The following ROR1 variants were observed in gnomAD, a reference collection of about 807,000 sequenced individuals.
ROR1 encodes ROR family WNT receptor 1.
A neutral mutation model predicts 78.8 loss-of-function variants in ROR1; 19 were observed. That is an observed-to-expected ratio of 0.24 (90% CI 0.17 to 0.35). The LOEUF (loss-of-function observed/expected upper bound fraction) is 0.35. ROR1 is among the 10% of genes least tolerant of loss of function. The pLI is 1.00. For synonymous variants in ROR1, 386 were observed against 433.6 expected (o/e 0.89, Z 1.36); for missense variants, 917 against 1,177.8 (o/e 0.78, Z 3.24).
At position 64,177,552 on chromosome 1, in the gene ROR1, C is replaced by T. The variant is rs763251340; in HGVS notation, c.1511C>T (p.Ala504Val). The change falls in exon 9 of 9, where the codon GCT (alanine) becomes GTT (valine). Residue 504 changes from alanine (A) to valine (V), a missense_variant. Physicochemically the swap from Ala to Val is moderately conservative, Grantham distance 64. This residue lies in a region of ROR1 where 835 missense variants were observed against 1,069.8 expected (regional missense o/e 0.78). Coordinates refer to ENST00000371079, the MANE Select transcript of ROR1 (RefSeq NM_005012.4). ...GGCATGGACCATGCTCAGCTGGTTG[C>T]TATCAAGACCTTGAAAGACTATAAC... Reference protein sequence around the residue: ...LPGMDHAQLVAIKTLKDYNNP... With the variant: ...LPGMDHAQLVVIKTLKDYNNP... 3 of 1,614,120 alleles carry T rather than the reference C, an allele frequency of 1.9e-6. No homozygotes were observed. The highest frequency in any genetic ancestry group is 1.3e-5 in the African/African-American group (1 of 75,026).
intron 2 of ROR1, among the ~76,000 whole-genome samples, chr1:64,018,282 C>A (rs911605430): frequency 6.6e-6 from 1 of 152,150 alleles, no homozygotes; most frequent in Non-Finnish European, 1.5e-5. Context: ...TGGGGCTCCT[C>A]CCTCAGTTTC....
intron 2 of ROR1, among the ~76,000 whole-genome samples, chr1:64,048,456 CT>C (rs1192346407): frequency 2.0e-5 from 3 of 152,126 alleles, no homozygotes; most frequent in Non-Finnish European, 4.4e-5. Flanking sequence ...GCTGATAGCT[CT>C]GCTGAACAAG....
At chr1:63,867,871 G>A (rs374502388) in intron 1 of ROR1, among the ~76,000 whole-genome samples, 8 of 152,314 alleles carry the variant, frequency 5.3e-5, no homozygotes, top group South Asian at 2.1e-4. Context: ...CTCTTTTCCC[G>A]ATTCCGGCTG....
intron 1 of ROR1, among the ~76,000 whole-genome samples, chr1:63,822,358 T>A (rs1274439632): frequency 6.6e-6 from 1 of 152,246 alleles, no homozygotes; most frequent in Non-Finnish European, 1.5e-5. Flanking sequence ...AATTATTAAT[T>A]AATGAATGAT....
intron 4 of ROR1, among the ~76,000 whole-genome samples, chr1:64,112,777 C>T (rs572466793): frequency 6.6e-6 from 1 of 150,642 alleles, no homozygotes; most frequent in Non-Finnish European, 1.5e-5. Context: ...CCAGTGTGCT[C>T]ATCAATTCTT....
chr1:64,135,733 C>T (rs1436319258), intron 4 of ROR1, among the ~76,000 whole-genome samples: 1 of 152,146 alleles, frequency 6.6e-6, no homozygotes, highest in Non-Finnish European at 1.5e-5. Flanking sequence ...GATTGTGCAA[C>T]AGTAAAATTT....
chr1:63,967,275 ACAT>A (rs1437266621), intron 1 of ROR1, among the ~76,000 whole-genome samples: 1 of 152,194 alleles, frequency 6.6e-6, no homozygotes, highest in Admixed American at 6.5e-5. Context: ...TGGAGAAATG[ACAT>A]CATGAGAACC....
chr1:63,843,892 T>C (rs1569805426), intron 1 of ROR1, among the ~76,000 whole-genome samples: 1 of 152,314 alleles, frequency 6.6e-6, no homozygotes, highest in East Asian at 1.9e-4. Context: ...CACACCTTGC[T>C]GAAGTAGCCT....
chr1:64,005,166 G>A (rs1646417954), intron 1 of ROR1, among the ~76,000 whole-genome samples: 1 of 152,206 alleles, frequency 6.6e-6, no homozygotes, highest in South Asian at 2.1e-4. Flanking sequence ...AGCTAACCAA[G>A]TACATCCATG....
intron 1 of ROR1, among the ~76,000 whole-genome samples, chr1:63,908,833 C>T (rs1557555749): frequency 6.6e-6 from 1 of 152,200 alleles, no homozygotes; most frequent in South Asian, 2.1e-4. Context: ...TGATCCGGCC[C>T]CTACCATGAA....
At chr1:63,847,975 T>C (rs960514528) in intron 1 of ROR1, among the ~76,000 whole-genome samples, 2 of 152,172 alleles carry the variant, frequency 1.3e-5, no homozygotes, top group African/African-American at 4.8e-5. Flanking sequence ...ACAAAACTCA[T>C]GGAAAAGGTA....
chr1:63,830,728 G>A (rs942375593), intron 1 of ROR1, among the ~76,000 whole-genome samples: 2 of 152,016 alleles, frequency 1.3e-5, no homozygotes, highest in Non-Finnish European at 1.5e-5. Context: ...AAAGCTAATC[G>A]TGCCTTCCCA....
intron 1 of ROR1, among the ~76,000 whole-genome samples, chr1:63,857,472 G>C (rs1478829375): frequency 1.3e-5 from 2 of 152,138 alleles, no homozygotes; most frequent in Admixed American, 6.5e-5. Flanking sequence ...CCAGGAGGTT[G>C]TTCTTATCTG....
intron 4 of ROR1, among the ~76,000 whole-genome samples, chr1:64,066,399 G>A (rs1037194453): frequency 2.0e-5 from 3 of 150,636 alleles, no homozygotes; most frequent in Non-Finnish European, 4.4e-5. Context: ...CTCACTGCAA[G>A]CTCCACCTCC....
chr1:64,033,665 C>T (rs549705205), intron 2 of ROR1, among the ~76,000 whole-genome samples: 1 of 152,236 alleles, frequency 6.6e-6, no homozygotes, highest in Middle Eastern at 3.4e-3. Context: ...TAATGACAAA[C>T]CCTTATATAG....
rs1255168971 is a variant in ROR1 at position 64,178,379 on chromosome 1, A to G, written c.2338A>G (p.Asn780Asp). ...CTCCCTCAGTGCCAGCCCAGTGAGTAATCTCAGTAACCCCAGATATCCTAA... is the reference window on the plus strand; with the variant it reads ...CTCCCTCAGTGCCAGCCCAGTGAGTGATCTCAGTAACCCCAGATATCCTAA... ...TTSLSASPVS[N>D]LSNPRYPNYM... The change falls in exon 9 of 9, where the codon AAT (asparagine) becomes GAT (aspartate). Residue 780 changes from asparagine (N) to aspartate (D), a missense_variant. Physicochemically the swap from Asn to Asp is conservative, Grantham distance 23. Around this residue, in one of 3 missense-constraint regions of ROR1, gnomAD observed 835 missense variants for 1,069.8 expected, o/e 0.78. Coordinates refer to ENST00000371079, the MANE Select transcript of ROR1 (RefSeq NM_005012.4). This position sits in a 1 kb window ranked among gnomAD's most constrained non-coding sequence, Gnocchi z 4.3. 3.1e-6 allele frequency: 5 copies of G among 1,614,210 alleles called. 1 individual carries two copies. In the Admixed American group the frequency reaches 8.3e-5, roughly 27 times the overall value.
intron 1 of ROR1, among the ~76,000 whole-genome samples, chr1:63,859,917 A>G (rs1645169690): frequency 6.6e-6 from 1 of 152,196 alleles, no homozygotes; most frequent in Non-Finnish European, 1.5e-5. Context: ...CTGTGATTTT[A>G]TGAAATCCTC....
chr1:64,164,180 C>G (rs1010320538), intron 8 of ROR1, among the ~76,000 whole-genome samples: 1 of 152,164 alleles, frequency 6.6e-6, no homozygotes, highest in African/African-American at 2.4e-5. Flanking sequence ...TGGCATTGCT[C>G]TAGCTCCCCC....
At chr1:64,085,353 GC>G (rs1441017980) in intron 4 of ROR1, among the ~76,000 whole-genome samples, 6 of 152,086 alleles carry the variant, frequency 3.9e-5, no homozygotes, top group Non-Finnish European at 8.8e-5. Flanking sequence ...AGTGGCTCGT[GC>G]GTTGGGTGCT....
Sources: gnomAD v4.1 joint callset for allele counts (sites outside exome capture counted in the v4.1 genomes callset) on GRCh38, gnomAD v4.1.1 for gene constraint, gnomAD v4.1.1 regional missense constraint, Gnocchi (gnomAD v3.1) non-coding constraint, MANE v1.5 for transcripts, NCBI Gene and HGNC (gene_info 2026-07-23, HGNC 2026-07-21) for gene names.